The following PCDHA5 variants were observed in gnomAD, a reference collection of about 807,000 sequenced individuals.
PCDHA5 encodes protocadherin alpha 5.
In PCDHA5, 43 loss-of-function variants were observed where a neutral mutation model predicts 61.6. The ratio of observed to expected loss-of-function variants is 0.70; its 90% CI spans 0.55 to 0.90. The LOEUF (loss-of-function observed/expected upper bound fraction) is 0.90, where lower values mean the gene tolerates loss of function less well. PCDHA5 is among the 40% of genes least tolerant of loss of function. The pLI is 0.00. For synonymous variants in PCDHA5, 627 were observed against 543.9 expected (o/e 1.15, Z -2.13); for missense variants, 1,298 against 1,222.7 (o/e 1.06, Z -0.92).
chr5:141,005,626 C>T (rs554956978), intron 3 of PCDHA5, among the ~76,000 whole-genome samples: 5 of 136,646 alleles, frequency 3.7e-5, no homozygotes, highest in South Asian at 4.9e-4. Context: ...GGCGTGAACC[C>T]GGGAGGCGGA....
At chr5:140,862,584 G>A (rs2047434517) in intron 1 of PCDHA5, 1 of 495,742 alleles carries the variant, frequency 2.0e-6, no homozygotes, top group South Asian at 1.6e-5. Context: ...CGTTCCAGCA[G>A]CCCGAGTACA....
chr5:140,853,887 A>T lies in PCDHA5; in HGVS notation c.2352+29760A>T, dbSNP rs945674058. ...TGACAGTGCAAGTTTCTGTAATTTAAAAAGATGTGGTGGCCTGACACCTGC... is the reference window on the plus strand; with the variant it reads ...TGACAGTGCAAGTTTCTGTAATTTATAAAGATGTGGTGGCCTGACACCTGC... On this transcript the variant is annotated intron_variant, in intron 1 of 3. Transcript: ENST00000529859. 4 of 979,374 alleles carry T rather than the reference A, an allele frequency of 4.1e-6. 1 individual carries two copies. The Admixed American group carries it at 1.9e-4, about 46-fold the overall frequency. 60.7% of individuals were successfully genotyped at this position (979,374 alleles called of 1,614,324 possible).
At chr5:140,926,301 C>T (rs1554203262) in intron 1 of PCDHA5, 1 of 152,336 alleles carries the variant, frequency 6.6e-6, no homozygotes, top group Non-Finnish European at 1.5e-5. Flanking sequence ...GTCCCGCCCT[C>T]TCCGCCGGAG....
chr5:140,940,610 G>A (rs1394761541), intron 1 of PCDHA5, among the ~76,000 whole-genome samples: 1 of 151,836 alleles, frequency 6.6e-6, no homozygotes, highest in Non-Finnish European at 1.5e-5. Context: ...GCTGCTCCTG[G>A]CTCCTGCAAA....
rs1270383213 is a variant in PCDHA5 at position 140,835,905 on chromosome 5, G to A, written c.2352+11778G>A. 4 of 1,612,188 alleles carry A rather than the reference G, an allele frequency of 2.5e-6. No homozygotes were observed. In the East Asian group the frequency reaches 8.9e-5, roughly 36 times the overall value. ...GGGCGAGCGCGCGCTGTCGAGCTAC[G>A]TGTCAGTGCACGCGGAGAGCGGCAA... On this transcript the variant is annotated intron_variant, in intron 1 of 3. Transcript: ENST00000529859.
intron 1 of PCDHA5, chr5:140,853,507 A>G (rs762597106): frequency 6.1e-6 from 6 of 977,198 alleles, no homozygotes; most frequent in South Asian, 4.8e-5. Context: ...TCATGAAACA[A>G]TAATGAAGCT....
intron 1 of PCDHA5, chr5:140,836,141 C>G (rs2150253789): frequency 3.1e-6 from 5 of 1,613,766 alleles, no homozygotes; most frequent in Non-Finnish European, 4.2e-6. Flanking sequence ...GGTCTGTGGG[C>G]GCGGGCCATG....
chr5:140,862,716 G>T, intron 1 of PCDHA5: 3 of 564,370 alleles, frequency 5.3e-6, no homozygotes, highest in Non-Finnish European at 1.0e-5. Flanking sequence ...GGGTGGGCGA[G>T]TGCGCGCTGT....
At chr5:140,901,583 T>A (rs530803677) in intron 1 of PCDHA5, among the ~76,000 whole-genome samples, 6 of 152,222 alleles carry the variant, frequency 3.9e-5, no homozygotes, top group Non-Finnish European at 8.8e-5. Flanking sequence ...GCCAGTGCCA[T>A]GATGTTTTGG....
intron 1 of PCDHA5, chr5:140,850,371 C>T (rs1386017704): frequency 1.9e-6 from 3 of 1,597,910 alleles, no homozygotes; most frequent in Non-Finnish European, 2.6e-6. Flanking sequence ...CCGCGTGGGG[C>T]TGTACACGGG....
At chr5:140,830,409 G>A (rs1554132809) in intron 1 of PCDHA5, 3 of 1,614,040 alleles carry the variant, frequency 1.9e-6, no homozygotes, top group African/African-American at 2.7e-5. Context: ...ATGGCCTTTA[G>A]CCCCAGCCTT....
At chr5:140,921,202 C>T (rs528515993) in intron 1 of PCDHA5, among the ~76,000 whole-genome samples, 20 of 151,968 alleles carry the variant, frequency 1.3e-4, no homozygotes, top group African/African-American at 3.6e-4. Context: ...AGATTGACAA[C>T]GATAATTCAC....
At chr5:140,849,840 AACG>A in intron 1 of PCDHA5, 4 of 1,598,334 alleles carry the variant, frequency 2.5e-6, no homozygotes, top group Non-Finnish European at 3.4e-6. Flanking sequence ...GGCCGACGTG[AACG>A]ACAACGCACC....
chr5:140,841,176 A>G, intron 1 of PCDHA5: 24 of 1,081,656 alleles, frequency 2.2e-5, no homozygotes, highest in Non-Finnish European at 3.1e-5. Context: ...TGGTTGGTCA[A>G]TGTTCAAAGT....
intron 1 of PCDHA5, chr5:140,848,723 G>T (rs2150418763): frequency 6.3e-7 from 1 of 1,592,604 alleles, no homozygotes; most frequent in South Asian, 1.1e-5. Context: ...ACCTTCTGGA[G>T]GTAAATCTGC....
rs920860677 is a variant in PCDHA5, at chr5:140,985,387, C to T, written c.2500+2824C>T. Among the ~76,000 whole-genome samples the T allele has an allele frequency of 3.0e-4, 45 of 152,272 alleles. 1 individual carries two copies. Among genetic ancestry groups the T allele is most frequent in the African/African-American group, 9.9e-4 (41 of 41,542 alleles). On this transcript the variant is annotated intron_variant, in intron 3 of 3. Transcript: ENST00000529859. ...GTTATCTGGGTCTATATAATCCAGTCACCCCAACTGTTCCCCTGGAAATGG... is the reference window on the plus strand; with the variant it reads ...GTTATCTGGGTCTATATAATCCAGTTACCCCAACTGTTCCCCTGGAAATGG...
intron 1 of PCDHA5, chr5:140,882,379 G>A (rs782537158): frequency 1.9e-6 from 3 of 1,614,230 alleles, no homozygotes; most frequent in South Asian, 1.1e-5. Context: ...CCGTCCCCGA[G>A]GAAGCAAAAC....
intron 1 of PCDHA5, chr5:140,853,202 C>T (rs1357815878): frequency 1.3e-5 from 13 of 982,324 alleles, no homozygotes; most frequent in Middle Eastern, 5.3e-4. Flanking sequence ...TTATTATTGA[C>T]GGCTGTATTG....
chr5:140,925,402 T>C (rs1379767028), intron 1 of PCDHA5, among the ~76,000 whole-genome samples: 1 of 152,110 alleles, frequency 6.6e-6, no homozygotes, highest in Non-Finnish European at 1.5e-5. Context: ...CTCGCCTCCT[T>C]CTTAGGGAAA....
Sources: allele counts gnomAD v4.1 joint callset (sites outside exome capture counted in the v4.1 genomes callset), GRCh38; gene constraint gnomAD v4.1.1; transcripts MANE v1.5; gene names NCBI Gene and HGNC (gene_info 2026-07-23, HGNC 2026-07-21).